FAM227A: variants seen among roughly 807,000 people sequenced by gnomAD.
FAM227A encodes family with sequence similarity 227 member A.
Under a neutral mutation model 74.7 loss-of-function variants are expected in FAM227A, and 80 were observed. The ratio of observed to expected loss-of-function variants is 1.07; its 90% CI spans 0.89 to 1.29. The LOEUF (loss-of-function observed/expected upper bound fraction) is 1.29. Ranked by LOEUF, FAM227A falls within the 50% of genes most tolerant of loss-of-function variation. FAM227A has a pLI of 0.00. For synonymous variants in FAM227A, 237 were observed against 241.8 expected, an observed-to-expected ratio of 0.98 and a Z score of 0.19; for missense variants, 654 against 683.4, an observed-to-expected ratio of 0.96 and a Z score of 0.48.
chr22:38,637,286 T>A (rs1474544137), intron 5 of FAM227A, among the ~76,000 whole-genome samples: 1 of 151,886 alleles, frequency 6.6e-6, no homozygotes, highest in Non-Finnish European at 1.5e-5. Flanking sequence ...AGACGTGCTA[T>A]AATTTAATTA....
At position 38,607,386 on chromosome 22, in the gene FAM227A, T is replaced by C. The variant is rs760618335; in HGVS notation, c.1126+3A>G. Reference sequence around the variant, plus strand: ...ACATTTCCCTTTTTGGTAGTCAATATACCTTTTGCAGTATTCTGCATTCGT... The same window carrying C: ...ACATTTCCCTTTTTGGTAGTCAATACACCTTTTGCAGTATTCTGCATTCGT... On this transcript the variant is annotated splice_donor_region_variant and intron_variant, in intron 12 of 16. Transcript: ENST00000535113. 12 of 1,546,814 alleles carry C rather than the reference T, an allele frequency of 7.8e-6. No individual in the cohort carries two copies. Among genetic ancestry groups the C allele is most frequent in the African/African-American group, 2.7e-5 (2 of 72,874 alleles).
rs370416317 is a variant in FAM227A at position 38,623,163 on chromosome 22, C to T, written c.958+9G>A. 5.2e-6 allele frequency: 8 copies of T among 1,539,348 alleles called. No homozygotes were observed. Among genetic ancestry groups the T allele is most frequent in the Middle Eastern group, 3.3e-4 (2 of 5,984 alleles). On this transcript the variant is annotated intron_variant, in intron 10 of 16. Transcript: ENST00000535113. The stretch of plus-strand genomic sequence containing the variant: ...CAAAGAAGGCGGGAGGCTGTACCTG[C>T]TATCTTACCCTTTGTCAGTCTTCTT...
At chr22:38,627,723 C>T (rs966846337) in intron 8 of FAM227A, among the ~76,000 whole-genome samples, 2 of 152,058 alleles carry the variant, frequency 1.3e-5, no homozygotes, top group African/African-American at 4.8e-5. Flanking sequence ...CTGCCTCAGC[C>T]TCCCGAGTAG....
intron 1 of FAM227A, among the ~76,000 whole-genome samples, chr22:38,650,951 C>CG (rs2092313568): frequency 1.3e-5 from 2 of 152,156 alleles, no homozygotes; most frequent in South Asian, 4.1e-4. Context: ...TCATACATAA[C>CG]GGAAGGACAG....
At chr22:38,640,927 G>C (rs190384671) in intron 3 of FAM227A, among the ~76,000 whole-genome samples, 2 of 151,914 alleles carry the variant, frequency 1.3e-5, no homozygotes, top group Admixed American at 6.6e-5. Flanking sequence ...TGCCAGTGGT[G>C]GGGGGGCGGT....
chr22:38,600,932 C>T (rs1202320449), intron 13 of FAM227A, among the ~76,000 whole-genome samples: 1 of 140,596 alleles, frequency 7.1e-6, no homozygotes, highest in Non-Finnish European at 1.5e-5. Context: ...AGCCTGGCGA[C>T]AGAGTGAGAC....
chr22:38,647,357 T>C (rs2092257946), intron 2 of FAM227A, among the ~76,000 whole-genome samples: 1 of 151,600 alleles, frequency 6.6e-6, no homozygotes, highest in African/African-American at 2.4e-5. Context: ...CCCAGCTACT[T>C]GAGCGCTGAG....
In FAM227A at chr22:38,605,317, T is replaced by C. The variant is rs1323274034; in HGVS notation, c.1158A>G (p.Lys386=). 1 of 1,550,766 alleles carries C rather than the reference T, an allele frequency of 6.4e-7. No individual in the cohort carries two copies. Among genetic ancestry groups the C allele is most frequent in the African/African-American group, 1.4e-5 (1 of 73,138 alleles). ...ATATCCTCTTGACTTCTTGCGTAGG[T>C]TTCTTCAAGACCAGGGTCTGACAAT... ...EHHCQTLVLK[K]PTQEVKRISE... Residue 386 remains lysine (K), a synonymous_variant, in exon 13 of 17, where the codon AAA becomes AAG. Transcript: ENST00000535113.
intron 16 of FAM227A, among the ~76,000 whole-genome samples, chr22:38,588,674 G>C (rs2090862710): frequency 7.2e-6 from 1 of 138,456 alleles, no homozygotes; most frequent in East Asian, 2.1e-4. Context: ...TGTAATCCTA[G>C]AACTTTGGGA....
chr22:38,649,867 CAAAA>C, intron 2 of FAM227A, 156 bp downstream of exon 2: 1 of 535,982 alleles, frequency 1.9e-6, no homozygotes, highest in South Asian at 2.8e-5. Flanking sequence ...AACTCCATCT[CAAAA>C]AAAAAAAAGA....
chr22:38,615,684 G>A (rs2091560930), intron 11 of FAM227A, among the ~76,000 whole-genome samples: 1 of 152,220 alleles, frequency 6.6e-6, no homozygotes, highest in African/African-American at 2.4e-5. Flanking sequence ...GGCACTGCAA[G>A]TCAGGTGAGC....
intron 11 of FAM227A, among the ~76,000 whole-genome samples, chr22:38,614,199 CAA>C (rs1602955040): frequency 6.6e-6 from 1 of 152,178 alleles, no homozygotes; most frequent in Non-Finnish European, 1.5e-5. Context: ...AGCTACTGTG[CAA>C]AGAGACGCAG....
intron 15 of FAM227A, among the ~76,000 whole-genome samples, chr22:38,593,231 G>A (rs1024141781): frequency 2.6e-5 from 4 of 152,264 alleles, no homozygotes; most frequent in East Asian, 3.8e-4. Flanking sequence ...TGGACTGGGC[G>A]CAGTGGCTCA....
chr22:38,617,004 T>C (rs1360657733), intron 11 of FAM227A, among the ~76,000 whole-genome samples: 1 of 151,454 alleles, frequency 6.6e-6, no homozygotes, highest in African/African-American at 2.4e-5. Context: ...GATTTCTCAG[T>C]GAAGACCTTC....
At chr22:38,615,576 G>A (rs1342062278) in intron 11 of FAM227A, among the ~76,000 whole-genome samples, 1 of 152,180 alleles carries the variant, frequency 6.6e-6, no homozygotes, top group East Asian at 1.9e-4. Context: ...ACCAGGCATA[G>A]ACCTGGCACG....
At position 38,597,385 on chromosome 22, in the gene FAM227A, T is replaced by G. The variant is rs373151029; in HGVS notation, c.1380-29A>C. The G allele has an allele frequency of 4.9e-4, 764 of 1,550,562 alleles. 14 individuals are homozygous for G. The South Asian group carries it at 7.7e-3, about 16-fold the overall frequency. On this transcript the variant is annotated intron_variant, in intron 14 of 16. Transcript: ENST00000535113. ...GCTTCCGCTGTCAAGGAAATCCCCG[T>G]ACTGTGGAACTGTGTTGACGCTGCA...
intron 16 of FAM227A, among the ~76,000 whole-genome samples, chr22:38,588,907 G>A (rs1184126308): frequency 1.4e-5 from 2 of 138,198 alleles, no homozygotes; most frequent in African/African-American, 2.7e-5. Context: ...CAGCCTGGGC[G>A]ATAGAGCAAG....
intron 2 of FAM227A, 127 bp from the exon 3 acceptor site, chr22:38,645,772 A>G (rs2092224899): frequency 4.9e-6 from 3 of 617,572 alleles, no homozygotes; most frequent in South Asian, 2.1e-5. Flanking sequence ...CTTTGCATTC[A>G]GAGTTTTCAC....
At chr22:38,591,573 G>A (rs751631703) in intron 15 of FAM227A, 33 bp from the exon 16 acceptor site, 1 of 1,462,144 alleles carries the variant, frequency 6.8e-7, no homozygotes, top group South Asian at 1.3e-5. Context: ...TATGGAAAAA[G>A]GCTGGAGTGA....
Sources: allele counts gnomAD v4.1 joint callset (sites outside exome capture counted in the v4.1 genomes callset), GRCh38; gene constraint gnomAD v4.1.1; transcripts MANE v1.5; gene names NCBI Gene and HGNC (gene_info 2026-07-23, HGNC 2026-07-21).